Variants in DIP2C observed in about 807,000 individuals in gnomAD.
DIP2C encodes disco-interacting protein 2 homolog C.
Under a neutral mutation model 192.4 loss-of-function variants are expected in DIP2C, and 33 were observed. The observed-to-expected ratio is 0.17, with a 90% CI of 0.13 to 0.23. DIP2C has a LOEUF of 0.23. DIP2C is among the 10% of genes least tolerant of loss of function. DIP2C has a pLI of 1.00. For missense variants in DIP2C, 1,537 were observed against 2,110.1 expected, an observed-to-expected ratio of 0.73 and a Z score of 5.32; for synonymous variants, 979 against 864.1, an observed-to-expected ratio of 1.13 and a Z score of -2.33.
chr10:372,303 G>A (rs959097224), intron 17 of DIP2C, among the ~76,000 whole-genome samples: 33 of 152,166 alleles, frequency 2.2e-4, no homozygotes, highest in African/African-American at 7.0e-4. Flanking sequence ...TCGAACTCCT[G>A]ACCTCGAGTG....
intron 2 of DIP2C, among the ~76,000 whole-genome samples, chr10:486,021 A>C: frequency 6.6e-6 from 1 of 152,208 alleles, no homozygotes; most frequent in East Asian, 1.9e-4. Flanking sequence ...ACCACATCTC[A>C]ACACACAACC....
intron 1 of DIP2C, chr10:649,946 T>C: frequency 1.6e-6 from 1 of 612,014 alleles, no homozygotes; most frequent in Non-Finnish European, 2.9e-6. Flanking sequence ...CCGCACACCA[T>C]TAACACATCA....
intron 1 of DIP2C, among the ~76,000 whole-genome samples, chr10:520,702 TCAACCATCTGCTGC>T (rs1846648832): frequency 6.6e-6 from 1 of 152,200 alleles, no homozygotes; most frequent in Admixed American, 6.5e-5. Context: ...TCTGCTGCTG[TCAACCATCTGCTGC>T]CAAAGTTTCA....
intron 1 of DIP2C, among the ~76,000 whole-genome samples, chr10:565,828 T>C (rs547178889): frequency 1.3e-5 from 2 of 152,312 alleles, no homozygotes; most frequent in Admixed American, 6.5e-5. Context: ...CTCCGAGGTA[T>C]GTAACAGCCT....
chr10:433,824 AAGTG>A (rs974196834), intron 4 of DIP2C, among the ~76,000 whole-genome samples: 7 of 152,248 alleles, frequency 4.6e-5, no homozygotes, highest in Admixed American at 3.9e-4. Context: ...CTGACATTGA[AAGTG>A]AGTAATGATA....
chr10:666,575 C>G lies in DIP2C; in HGVS notation c.85+22919G>C, dbSNP rs919484212. The G allele has an allele frequency of 1.0e-4, 15 of 149,980 alleles. No individual in the cohort carries two copies. Among genetic ancestry groups the G allele is most frequent in the African/African-American group, 3.3e-4 (13 of 39,952 alleles). The allele number at this position is 149,980 out of a possible 1,614,324, so 9.3% of individuals were successfully genotyped here. ...CAGGTAACATAGAACTGGGGGTAAG[C>G]AAAGCCACGAGGTCGGCCCGTGGCC... On this transcript the variant is annotated intron_variant, in intron 1 of 36. Transcript: ENST00000280886. This position sits in a 1 kb window ranked among gnomAD's most constrained non-coding sequence, Gnocchi z 4.1.
intron 1 of DIP2C, among the ~76,000 whole-genome samples, chr10:685,571 A>G (rs962179317): frequency 1.8e-4 from 28 of 152,190 alleles, no homozygotes; most frequent in African/African-American, 6.3e-4. Context: ...TGAAGCATGC[A>G]CTGCCCAAAA....
In DIP2C at chr10:409,032, CACAG is replaced by C; in HGVS notation, c.1058-19_1058-16del. 1.4e-5 allele frequency: 23 copies of C among 1,613,514 alleles called. No homozygotes were observed. Among genetic ancestry groups the C allele is most frequent in the Non-Finnish European group, 1.9e-5 (23 of 1,179,576 alleles). ...CCACAGCTTGCCTATGAATACAAAT[CACAG>C]ACAAATGTGCGTATTAAACCATACG... On this transcript the variant is annotated splice_polypyrimidine_tract_variant and intron_variant, in intron 8 of 36. Transcript: ENST00000280886.
At chr10:388,345 C>T (rs779875236) in intron 13 of DIP2C, among the ~76,000 whole-genome samples, 11 of 152,280 alleles carry the variant, frequency 7.2e-5, no homozygotes, top group East Asian at 1.9e-4. Context: ...GCTAAAAGCT[C>T]GTGCTTGATG....
rs762319246 is a variant in DIP2C at position 422,809 on chromosome 10, G to C, written c.604+15C>G. ...TACACAACAGGCACAGAAAGACACC[G>C]TGAAGCGTGCTCACCTATGTGGGTC... On this transcript the variant is annotated intron_variant, in intron 5 of 36. Coordinates refer to ENST00000280886, the MANE Select transcript of DIP2C (RefSeq NM_014974.3). The C allele has an allele frequency of 6.8e-6, 11 of 1,606,878 alleles. No homozygotes were observed. In the African/African-American group the frequency reaches 1.5e-4, roughly 21 times the overall value.
At chr10:557,200 G>A (rs997634426) in intron 1 of DIP2C, among the ~76,000 whole-genome samples, 10 of 152,192 alleles carry the variant, frequency 6.6e-5, no homozygotes, top group South Asian at 2.1e-4. Context: ...CAGAGGGACC[G>A]GTGTGGAGGA....
intron 1 of DIP2C, among the ~76,000 whole-genome samples, chr10:545,830 GA>G (rs1192224718): frequency 3.9e-5 from 6 of 152,174 alleles, no homozygotes; most frequent in African/African-American, 1.4e-4. Context: ...GTTGCGAAAG[GA>G]AAAAAGTAAA....
chr10:490,464 C>T (rs527885759), intron 1 of DIP2C, among the ~76,000 whole-genome samples: 2 of 152,324 alleles, frequency 1.3e-5, no homozygotes, highest in East Asian at 1.9e-4. Flanking sequence ...AACCTGGAAG[C>T]GATGGGAACG....
chr10:354,434 C>A (rs1564604766), intron 24 of DIP2C, among the ~76,000 whole-genome samples: 1 of 152,160 alleles, frequency 6.6e-6, no homozygotes, highest in African/African-American at 2.4e-5. Context: ...AGGGATCTTC[C>A]CCAAATCAGG....
chr10:520,522 T>G (rs1328687568), intron 1 of DIP2C, among the ~76,000 whole-genome samples: 2 of 152,216 alleles, frequency 1.3e-5, no homozygotes, highest in Non-Finnish European at 2.9e-5. Flanking sequence ...GAGTTTGGGT[T>G]TTCCGTGGGC....
intron 1 of DIP2C, among the ~76,000 whole-genome samples, chr10:545,269 C>T (rs1848226912): frequency 1.4e-5 from 2 of 144,320 alleles, no homozygotes; most frequent in South Asian, 4.4e-4. Context: ...CAGGTTCAAG[C>T]AATTCTCCTG....
chr10:334,197 C>T (rs1487970591), intron 29 of DIP2C, among the ~76,000 whole-genome samples: 1 of 142,538 alleles, frequency 7.0e-6, no homozygotes, highest in African/African-American at 2.6e-5. Context: ...CTTCCAGCTA[C>T]TTGGGAGGCT....
chr10:326,792 T>G (rs150220097), intron 31 of DIP2C, among the ~76,000 whole-genome samples: 1 of 152,170 alleles, frequency 6.6e-6, no homozygotes, highest in Non-Finnish European at 1.5e-5. Context: ...CAGGACAGAG[T>G]AAGTCCTATG....
chr10:298,100 C>T (rs1260986264), intron 32 of DIP2C, among the ~76,000 whole-genome samples: 4 of 152,294 alleles, frequency 2.6e-5, no homozygotes, highest in Admixed American at 2.6e-4. Context: ...CTTTACTCAG[C>T]CTTCCTCATT....
Sources: allele counts gnomAD v4.1 joint callset (sites outside exome capture counted in the v4.1 genomes callset), GRCh38; gene constraint gnomAD v4.1.1; non-coding constraint Gnocchi (gnomAD v3.1); transcripts MANE v1.5; gene names NCBI Gene and HGNC (gene_info 2026-07-23, HGNC 2026-07-21).